The following PPP1R11 variants were observed in gnomAD, a reference collection of about 807,000 sequenced individuals.
PPP1R11 encodes the protein protein phosphatase 1 regulatory inhibitor subunit 11, also known as E3 ubiquitin-protein ligase PPP1R11.
In PPP1R11, 10 loss-of-function variants were observed where a neutral mutation model predicts 11.3. That is an observed-to-expected ratio of 0.88 (90% CI 0.55 to 1.50). The LOEUF (loss-of-function observed/expected upper bound fraction) is 1.50, where lower values mean the gene tolerates loss of function less well. Among genes scored for constraint, PPP1R11 ranks in the 40% most tolerant of loss-of-function variants. The probability of loss-of-function intolerance (pLI) is 0.00; values close to 1 mark genes in which losing one functional copy is unlikely to be tolerated. For synonymous variants in PPP1R11, 56 were observed against 62.3 expected, an observed-to-expected ratio of 0.90 and a Z score of 0.48; for missense variants, 114 against 179.1, an observed-to-expected ratio of 0.64 and a Z score of 2.07.
chr6:30,069,159 TGAG>T lies in PPP1R11; in HGVS notation c.240_242del (p.Glu83del), dbSNP rs777140612. The T allele has an allele frequency of 1.7e-4, 275 of 1,612,634 alleles. 1 individual carries two copies. In the South Asian group the frequency reaches 2.6e-3, roughly 15 times the overall value. On this transcript the variant is annotated inframe_deletion, in exon 3 of 3. Coordinates refer to ENST00000376772, the MANE Select transcript of PPP1R11 (RefSeq NM_021959.3). This position sits in a 1 kb window ranked among gnomAD's most constrained non-coding sequence, Gnocchi z 6.6. ...TTGGCGAGAGCTCCACGGAAAGTGATGAGGAGGAAGAAGAGGGCTGTGGTCATA... is the reference window on the plus strand; with the variant it reads ...TTGGCGAGAGCTCCACGGAAAGTGATGAGGAAGAAGAGGGCTGTGGTCATA...
rs2240067 is a variant in PPP1R11 at position 30,069,882 on chromosome 6, C to T, written c.*576C>T. On this transcript the variant is annotated 3_prime_UTR_variant, in exon 3 of 3. Transcript: ENST00000376772. This position sits in a 1 kb window ranked among gnomAD's most constrained non-coding sequence, Gnocchi z 6.6. The stretch of plus-strand genomic sequence containing the variant: ...GAGGAGTTAGAAAAGAGGTCCTTGT[C>T]ATTCTCACCTCTTATGGAAAATGGA... The T allele has an allele frequency of 0.046, 6,957 of 152,814 alleles. 199 individuals are homozygous for T. The highest frequency in any genetic ancestry group is 0.063 in the Admixed American group (965 of 15,312). The allele number at this position is 152,814 out of a possible 1,614,324, so 9.5% of individuals were successfully genotyped here.
upstream of PPP1R11, among the ~76,000 whole-genome samples, chr6:30,066,548 C>T (rs951594969): frequency 2.6e-5 from 4 of 152,100 alleles, no homozygotes; most frequent in Admixed American, 2.6e-4. Flanking sequence ...TTGTTAATGC[C>T]CCAGTGTTTC....
chr6:30,062,331 C>A, upstream of PPP1R11: 1 of 1,588,506 alleles, frequency 6.3e-7, no homozygotes, highest in Non-Finnish European at 8.6e-7. Context: ...GTACCAACTG[C>A]AAGTGAGTAT....
At chr6:30,068,437 G>C in intron 1 of PPP1R11, 153 bp from the exon 2 acceptor site, 1 of 572,090 alleles carries the variant, frequency 1.7e-6, no homozygotes. Context: ...TGAGGTAAAA[G>C]ACCTGTTCTG....
rs189714956 is a variant in PPP1R11, at chr6:30,069,633, G to A, written c.*327G>A. 6.2e-5 allele frequency: 21 copies of A among 339,770 alleles called. No individual in the cohort carries two copies. Among genetic ancestry groups the A allele is most frequent in the Non-Finnish European group, 5.3e-6 (1 of 188,440 alleles). 21.0% of individuals were successfully genotyped at this position (339,770 alleles called of 1,614,324 possible). On this transcript the variant is annotated 3_prime_UTR_variant, in exon 3 of 3. Transcript: ENST00000376772. This position sits in a 1 kb window ranked among gnomAD's most constrained non-coding sequence, Gnocchi z 6.6. The stretch of plus-strand genomic sequence containing the variant: ...GCCCTGCACTCTCAACATGAGTAGC[G>A]AACACTTAAATTGGGTTTTCAACAG...
the PPP1R11 span, chr6:30,061,424 T>C: frequency 3.6e-6 from 5 of 1,403,654 alleles, no homozygotes; most frequent in South Asian, 5.3e-5. The surrounding 1 kb of genome is among the most constrained non-coding windows in gnomAD (Gnocchi z 5.0). Flanking sequence ...GTTCGGGTTA[T>C]ATACTCCTAG....
At chr6:30,063,533 T>C (rs1765280465), upstream of PPP1R11, among the ~76,000 whole-genome samples, 1 of 151,516 alleles carries the variant, frequency 6.6e-6, no homozygotes, top group African/African-American at 2.4e-5. This position sits in a 1 kb window ranked among gnomAD's most constrained non-coding sequence, Gnocchi z 4.1. Flanking sequence ...AATATATATT[T>C]AAAATATTAA....
At position 30,070,280 on chromosome 6, in the gene PPP1R11, G is replaced by A. The variant is rs12526; in HGVS notation, c.*974G>A. Reference sequence around the variant, plus strand: ...GATCAGTCAAATCCATACCACCACTGAGATCTCATTTATTGCCACAGATGC... The same window carrying A: ...GATCAGTCAAATCCATACCACCACTAAGATCTCATTTATTGCCACAGATGC... On this transcript the variant is annotated 3_prime_UTR_variant, in exon 3 of 3. Coordinates refer to ENST00000376772, the MANE Select transcript of PPP1R11 (RefSeq NM_021959.3). 2.2e-3 allele frequency: 351 copies of A among 156,618 alleles called. 8 individuals are homozygous for A. The highest frequency in any genetic ancestry group is 0.013 in the Middle Eastern group (4 of 300). The allele number at this position is 156,618 out of a possible 1,614,324, so 9.7% of individuals were successfully genotyped here. A position where few individuals can be genotyped will look rare whatever the true frequency, so the allele number is the denominator to read the frequency against.
rs1765754248 is a variant in PPP1R11, at chr6:30,069,226, G to T, written c.301G>T (p.Ala101Ser). Reference sequence around the variant, plus strand: ...TGGCCACCGCAAAGGACGGCGTCGTGCAACCCTAGGACCGACCCCCACCAC... The same window carrying T: ...TGGCCACCGCAAAGGACGGCGTCGTTCAACCCTAGGACCGACCCCCACCAC... Reference protein sequence around the residue: ...VRGHRKGRRRATLGPTPTTPP... With the variant: ...VRGHRKGRRRSTLGPTPTTPP... Residue 101 changes from alanine to serine, a missense_variant, in exon 3 of 3, where the codon GCA becomes TCA. By Grantham distance (99) the Ala-to-Ser change is moderately conservative (BLOSUM62 1). Transcript: ENST00000376772. The surrounding 1 kb of genome is among the most constrained non-coding windows in gnomAD (Gnocchi z 6.6). The T allele has an allele frequency of 1.9e-6, 3 of 1,612,972 alleles. No homozygotes were observed. Among genetic ancestry groups the T allele is most frequent in the African/African-American group, 2.7e-5 (2 of 75,006 alleles).
intron 1 of PPP1R11, among the ~76,000 whole-genome samples, chr6:30,067,942 T>C (rs930269572): frequency 6.6e-6 from 1 of 152,050 alleles, no homozygotes; most frequent in Non-Finnish European, 1.5e-5. Context: ...AAGAGGTATT[T>C]TGAGAAATCA....
intron 1 of PPP1R11, 140 bp downstream of exon 1, chr6:30,067,619 T>C: frequency 9.2e-7 from 1 of 1,089,216 alleles, no homozygotes; most frequent in South Asian, 1.5e-5. Flanking sequence ...GCTGGGAGAA[T>C]CGGAAGGTAT....
At chr6:30,068,279 G>A (rs1765677397) in intron 1 of PPP1R11, 1 of 231,834 alleles carries the variant, frequency 4.3e-6, no homozygotes, top group Non-Finnish European at 8.3e-6. Flanking sequence ...TACTACCAAG[G>A]ATGATTTGGG....
At chr6:30,064,677 C>T (rs1465313012), upstream of PPP1R11, 3 of 1,607,552 alleles carry the variant, frequency 1.9e-6, no homozygotes, top group South Asian at 3.3e-5. Flanking sequence ...TCATAGGTTC[C>T]AGGAGAAGGA....
At chr6:30,061,412 G>A in the PPP1R11 span, 3 of 1,240,580 alleles carry the variant, frequency 2.4e-6, no homozygotes, top group Non-Finnish European at 3.4e-6. This position sits in a 1 kb window ranked among gnomAD's most constrained non-coding sequence, Gnocchi z 5.0. Flanking sequence ...CGTGGCAGGA[G>A]GGTTCGGGTT....
At chr6:30,062,726 T>C (rs887869969), upstream of PPP1R11, among the ~76,000 whole-genome samples, 4 of 113,896 alleles carry the variant, frequency 3.5e-5, no homozygotes, top group African/African-American at 1.0e-4. Flanking sequence ...TTTTTTTTTT[T>C]TTTTTTTTTT....
At chr6:30,061,971 C>G (rs568420351), upstream of PPP1R11, 5 of 1,612,940 alleles carry the variant, frequency 3.1e-6, no homozygotes, top group Non-Finnish European at 4.2e-6. The surrounding 1 kb of genome is among the most constrained non-coding windows in gnomAD (Gnocchi z 5.0). Context: ...CTGGGGACAG[C>G]CATGCCTATG....
At chr6:30,065,331 C>T (rs1765424426), upstream of PPP1R11, among the ~76,000 whole-genome samples, 1 of 152,170 alleles carries the variant, frequency 6.6e-6, no homozygotes, top group African/African-American at 2.4e-5. The surrounding 1 kb of genome is among the most constrained non-coding windows in gnomAD (Gnocchi z 5.3). Flanking sequence ...TCTTCTACTT[C>T]TGAGACCCAT....
In PPP1R11 at chr6:30,067,480, G is replaced by C; in HGVS notation, c.69+1G>C. The stretch of plus-strand genomic sequence containing the variant: ...AACGGTTACCGTGACAACCGAGCCC[G>C]TGAGAAAGGCGGGGGGGCGGTGCTG... On this transcript the variant is annotated splice_donor_variant, in intron 1 of 2. Transcript: ENST00000376772. LOFTEE classifies it high-confidence loss of function. The C allele has an allele frequency of 1.9e-6, 3 of 1,613,868 alleles. No individual in the cohort carries two copies. The highest frequency in any genetic ancestry group is 2.5e-6 in the Non-Finnish European group (3 of 1,179,732).
chr6:30,066,846 A>G (rs1765574776), upstream of PPP1R11: 1 of 153,508 alleles, frequency 6.5e-6, no homozygotes, highest in Non-Finnish European at 1.5e-5. Flanking sequence ...GGTCATTACT[A>G]TTGCTCCTTA....
Sources: gnomAD v4.1 joint callset for allele counts (sites outside exome capture counted in the v4.1 genomes callset) on GRCh38, gnomAD v4.1.1 for gene constraint, Gnocchi (gnomAD v3.1) non-coding constraint, MANE v1.5 for transcripts, NCBI Gene and HGNC (gene_info 2026-07-23, HGNC 2026-07-21) for gene names.